Variants in SLC27A5 observed in about 807,000 individuals in gnomAD.
SLC27A5 encodes long-chain fatty acid transport protein 5.
Under a neutral mutation model 63.1 loss-of-function variants are expected in SLC27A5, and 47 were observed. The ratio of observed to expected loss-of-function variants is 0.74; its 90% CI spans 0.59 to 0.95. The LOEUF (loss-of-function observed/expected upper bound fraction) is 0.95. Among genes scored for constraint, SLC27A5 ranks in the 40% least tolerant of loss-of-function variants. The pLI is 0.00. For synonymous variants in SLC27A5, 391 were observed against 403.8 expected (o/e 0.97, Z 0.38); for missense variants, 940 against 921.0 (o/e 1.02, Z -0.27).
Position 58,499,358 on chromosome 19 carries a change from G to C in SLC27A5, c.1667+134C>G, listed in dbSNP as rs2122486258. On this transcript the variant is annotated intron_variant, in intron 7 of 9. Coordinates refer to ENST00000263093, the MANE Select transcript of SLC27A5 (RefSeq NM_012254.3). The stretch of plus-strand genomic sequence containing the variant: ...TCGAAAATCGAGAAGCCCCGCCTTC[G>C]CGTGAGAAGTCCTGACTCCAAGTTC... 2.3e-6 allele frequency: 3 copies of C among 1,317,480 alleles called. No individual in the cohort carries two copies. The South Asian group carries it at 4.0e-5, about 17-fold the overall frequency. 81.6% of individuals were successfully genotyped at this position (1,317,480 alleles called of 1,614,324 possible). A position where few individuals can be genotyped will look rare whatever the true frequency, so the allele number is the denominator to read the frequency against.
chr19:58,501,059 A>AGGGGC, intron 4 of SLC27A5: 2 of 1,231,122 alleles, frequency 1.6e-6, no homozygotes, highest in Non-Finnish European at 2.1e-6. Flanking sequence ...TGATAGGGGT[A>AGGGGC]GGGGCTATTA....
Position 58,511,259 on chromosome 19 carries a change from G to T in SLC27A5, c.688+9C>A. 1 of 1,529,228 alleles carries T rather than the reference G, an allele frequency of 6.5e-7. No individual in the cohort carries two copies. The highest frequency in any genetic ancestry group is 8.8e-7 in the Non-Finnish European group (1 of 1,136,098). 94.7% of individuals were successfully genotyped at this position (1,529,228 alleles called of 1,614,324 possible). On this transcript the variant is annotated intron_variant, in intron 1 of 9. Coordinates refer to ENST00000263093, the MANE Select transcript of SLC27A5 (RefSeq NM_012254.3). ...CCCTTCCATTCTCCACTGGCTCCAA[G>T]GCCCTCACCTGGGTCCACCACCAGC...
chr19:58,506,258 G>A (rs946873607), intron 3 of SLC27A5, among the ~76,000 whole-genome samples: 7 of 152,150 alleles, frequency 4.6e-5, no homozygotes, highest in Non-Finnish European at 2.9e-5. Context: ...ACAGACGCCA[G>A]GCGCGGTGGT....
At chr19:58,502,293 AGAG>A (rs2053283754) in intron 3 of SLC27A5, among the ~76,000 whole-genome samples, 1 of 146,192 alleles carries the variant, frequency 6.8e-6, no homozygotes, top group Non-Finnish European at 1.5e-5. Context: ...GTGAACAGTT[AGAG>A]TAGTGAGTGA....
intron 2 of SLC27A5, 50 bp downstream of exon 2, chr19:58,510,671 G>T: frequency 6.8e-7 from 1 of 1,476,028 alleles, no homozygotes; most frequent in Non-Finnish European, 9.2e-7. Context: ...GTGGGGTCAG[G>T]TCAGCCTGAG....
Position 58,506,013 on chromosome 19 carries a change from C to T in SLC27A5, c.1057+3834G>A, listed in dbSNP as rs543992633. Among the ~76,000 whole-genome samples the T allele has an allele frequency of 1.8e-3, 277 of 150,244 alleles. 1 individual carries two copies. The highest frequency in any genetic ancestry group is 6.4e-3 in the African/African-American group (261 of 40,830). Reference sequence around the variant, plus strand: ...TAAAAATACAAAAGTTAGCCAGGCACGGTGGTGGGAGCCTGTAATAACAGC... The same window carrying T: ...TAAAAATACAAAAGTTAGCCAGGCATGGTGGTGGGAGCCTGTAATAACAGC... On this transcript the variant is annotated intron_variant, in intron 3 of 9. Coordinates refer to ENST00000263093, the MANE Select transcript of SLC27A5 (RefSeq NM_012254.3).
At chr19:58,503,269 A>G (rs1023542832) in intron 3 of SLC27A5, among the ~76,000 whole-genome samples, 6 of 150,940 alleles carry the variant, frequency 4.0e-5, no homozygotes, top group Non-Finnish European at 8.8e-5. Flanking sequence ...GGGTGGGTGG[A>G]TGAATGAATG....
At chr19:58,502,959 G>C (rs1032827481) in intron 3 of SLC27A5, among the ~76,000 whole-genome samples, 33 of 151,734 alleles carry the variant, frequency 2.2e-4, no homozygotes, top group Non-Finnish European at 4.4e-4. Context: ...GTAATCCCAG[G>C]ACTTAGGGAG....
chr19:58,504,738 G>A (rs1203007485), intron 3 of SLC27A5, among the ~76,000 whole-genome samples: 1 of 151,692 alleles, frequency 6.6e-6, no homozygotes, highest in Non-Finnish European at 1.5e-5. Flanking sequence ...GGGCGCGGTG[G>A]CTCATGCCTG....
chr19:58,506,919 T>C lies in SLC27A5; in HGVS notation c.1057+2928A>G, dbSNP rs146973071. Among the ~76,000 whole-genome samples the C allele has an allele frequency of 1.2e-4, 19 of 152,074 alleles. No individual in the cohort carries two copies. In the East Asian group the frequency reaches 3.7e-3, roughly 30 times the overall value. On this transcript the variant is annotated intron_variant, in intron 3 of 9. Coordinates refer to ENST00000263093, the MANE Select transcript of SLC27A5 (RefSeq NM_012254.3). Reference sequence around the variant, plus strand: ...CCACCATGACTGGCTAATTTTTGTATTTTAAGTAGAGACAGATTTCACTAT... The same window carrying C: ...CCACCATGACTGGCTAATTTTTGTACTTTAAGTAGAGACAGATTTCACTAT...
chr19:58,511,909 A>C lies in SLC27A5; in HGVS notation c.47T>G (p.Leu16Arg). 1 of 1,547,496 alleles carries C rather than the reference A, an allele frequency of 6.5e-7. No homozygotes were observed. Among genetic ancestry groups the C allele is most frequent in the South Asian group, 1.2e-5 (1 of 84,072 alleles). ...QLALLLLLLL[L>R]LWGLGQPVWP... ...CACTGGCTGCCCCAGGCCCCAGAGC[A>C]GGAGCAGCAGCAGCAGCAGCAAGGC... Residue 16 changes from leucine to arginine, a missense_variant, in exon 1 of 10, where the codon CTG (leucine) becomes CGG (arginine). Leu to Arg is a moderately radical substitution (Grantham distance 102). Coordinates refer to ENST00000263093, the MANE Select transcript of SLC27A5 (RefSeq NM_012254.3).
chr19:58,508,555 CAAA>C (rs1456647971), intron 3 of SLC27A5: 11 of 76,984 alleles, frequency 1.4e-4, no homozygotes, highest in Non-Finnish European at 8.1e-5. Flanking sequence ...GACTCCATCT[CAAA>C]AAAAAAAAAA....
At chr19:58,504,000 A>G (rs1281065101) in intron 3 of SLC27A5, among the ~76,000 whole-genome samples, 3 of 152,044 alleles carry the variant, frequency 2.0e-5, no homozygotes, top group African/African-American at 7.2e-5. Flanking sequence ...CTGTAATCAC[A>G]ACTGCTCAGG....
Position 58,499,210 on chromosome 19 carries a change from C to T in SLC27A5, c.1678G>A (p.Glu560Lys). ...TCCACCTCGTGCGTGGACACGTTCT[C>T]GCCCTTCCATCTGCAAGGAGGGAGC... Reference protein sequence around the residue: ...RLGDTFRWKGENVSTHEVEGV... With the variant: ...RLGDTFRWKGKNVSTHEVEGV... The change falls in exon 8 of 10, where the codon GAG (glutamate) becomes AAG (lysine). Residue 560 changes from glutamate (E) to lysine (K), a missense_variant. Physicochemically the swap from Glu to Lys is moderately conservative, Grantham distance 56 (BLOSUM62 1). Coordinates refer to ENST00000263093, the MANE Select transcript of SLC27A5 (RefSeq NM_012254.3). 1 of 1,613,818 alleles carries T rather than the reference C, an allele frequency of 6.2e-7. No individual in the cohort carries two copies. Among genetic ancestry groups the T allele is most frequent in the Non-Finnish European group, 8.5e-7 (1 of 1,180,002 alleles).
At position 58,510,752 on chromosome 19, in the gene SLC27A5, A is replaced by G. The variant is rs764394727; in HGVS notation, c.867T>C (p.Pro289=). ...TCCCCGAGGTATAGATGAAGAGGGC[A>G]GGGCTTCTCCATGTGATCCCAGCAC... ...DLRAGITWRS[P]ALFIYTSGTT... is the part of the protein sequence containing the mutation. The change falls in exon 2 of 10, where the codon CCT becomes CCC. Residue 289 remains proline (P), a synonymous_variant. Coordinates refer to ENST00000263093, the MANE Select transcript of SLC27A5 (RefSeq NM_012254.3). The G allele has an allele frequency of 6.2e-7, 1 of 1,612,908 alleles. No individual in the cohort carries two copies. The highest frequency in any genetic ancestry group is 1.1e-5 in the South Asian group (1 of 90,854).
At chr19:58,506,752 G>C (rs545475917) in intron 3 of SLC27A5, among the ~76,000 whole-genome samples, 34 of 151,406 alleles carry the variant, frequency 2.2e-4, no homozygotes, top group African/African-American at 8.0e-4. Context: ...TGGAAACACA[G>C]GCTCGCATCA....
Position 58,498,613 on chromosome 19 carries a change from C to T in SLC27A5, c.1975G>A (p.Val659Ile). 6.2e-7 allele frequency: 1 copy of T among 1,614,144 alleles called. No individual in the cohort carries two copies. Among genetic ancestry groups the T allele is most frequent in the Non-Finnish European group, 8.5e-7 (1 of 1,180,020 alleles). Residue 659 changes from valine to isoleucine, a missense_variant, in exon 10 of 10, where the codon GTT becomes ATT. Coordinates refer to ENST00000263093, the MANE Select transcript of SLC27A5 (RefSeq NM_012254.3). ...VREGFNVGIVVDPLFVLDNRA... is the reference protein window; with the variant it reads ...VREGFNVGIVIDPLFVLDNRA... ...TTGTCCAGTACAAACAGAGGGTCAA[C>T]CACGATCCCCACATTGAAGCCCTCA... is the stretch of plus-strand genomic sequence containing the variant.
chr19:58,499,294 C>T (rs1022647970), intron 7 of SLC27A5, 74 bp from the exon 8 acceptor site: 19 of 1,485,664 alleles, frequency 1.3e-5, no homozygotes, highest in East Asian at 2.4e-5. Flanking sequence ...CCCGCCCCGC[C>T]CCTTTTGGGG....
chr19:58,507,791 G>A (rs2053363984), intron 3 of SLC27A5: 1 of 152,176 alleles, frequency 6.6e-6, no homozygotes, highest in Non-Finnish European at 1.5e-5. Context: ...CTCTGGGAAT[G>A]TCTGTCCTAT....
Sources: gnomAD v4.1 joint callset for allele counts (sites outside exome capture counted in the v4.1 genomes callset) on GRCh38, gnomAD v4.1.1 for gene constraint, MANE v1.5 for transcripts, NCBI Gene and HGNC (gene_info 2026-07-23, HGNC 2026-07-21) for gene names.